The following HK1 variants were observed in gnomAD, a reference collection of about 807,000 sequenced individuals.
The protein encoded by HK1 is hexokinase-1.
Under a neutral mutation model 91.6 loss-of-function variants are expected in HK1, and 28 were observed. The observed-to-expected ratio is 0.31, with a 90% CI of 0.23 to 0.42. HK1 has a LOEUF of 0.42. HK1 is among the 10% of genes least tolerant of loss of function. The pLI is 1.00. For missense variants in HK1, 770 were observed against 1,219.8 expected (o/e 0.63, Z 5.49); for synonymous variants, 430 against 468.1 (o/e 0.92, Z 1.05).
At chr10:69,395,225 T>C (rs906254607) in intron 16 of HK1, 120 bp downstream of exon 16, 6 of 845,480 alleles carry the variant, frequency 7.1e-6, no homozygotes, top group Non-Finnish European at 1.9e-6. Flanking sequence ...GGATTTTTTT[T>C]CCTCTGGAAT....
intron 4 of HK1, 95 bp from the exon 5 acceptor site, chr10:69,368,441 C>A: frequency 9.1e-7 from 1 of 1,095,684 alleles, no homozygotes; most frequent in Non-Finnish European, 1.4e-6. Flanking sequence ...CCCCTATGGG[C>A]TTCTGCTTCA....
intron 2 of HK1, among the ~76,000 whole-genome samples, chr10:69,355,920 A>G (rs183609427): frequency 8.5e-5 from 13 of 152,328 alleles, no homozygotes; most frequent in Admixed American, 8.5e-4. Flanking sequence ...GGGACACTGG[A>G]TATCCACATG....
At chr10:69,344,832 CCT>C (rs148471505) in intron 2 of HK1, among the ~76,000 whole-genome samples, 20,302 of 152,096 alleles carry the variant, frequency 0.13, 1,476 homozygotes, top group African/African-American at 0.16. Flanking sequence ...ACAGGAATCC[CCT>C]GTTAGCTGTG....
At chr10:69,367,832 A>T (rs2132808912) in intron 4 of HK1, among the ~76,000 whole-genome samples, 1 of 152,288 alleles carries the variant, frequency 6.6e-6, no homozygotes, top group South Asian at 2.1e-4. Flanking sequence ...GTTTTTTTTT[A>T]AGAAAGCAAA....
chr10:69,286,800 G>C (rs1359996891), intron 2 of HK1, among the ~76,000 whole-genome samples: 1 of 152,108 alleles, frequency 6.6e-6, no homozygotes, highest in Middle Eastern at 3.4e-3. Flanking sequence ...CACCCACCTC[G>C]GCCTCCCAAC....
chr10:69,361,860 C>T (rs1482500293), intron 3 of HK1, among the ~76,000 whole-genome samples: 1 of 152,028 alleles, frequency 6.6e-6, no homozygotes, highest in East Asian at 1.9e-4. Flanking sequence ...TCTTGTTGCC[C>T]AGGCTGGAGT....
intron 2 of HK1, among the ~76,000 whole-genome samples, chr10:69,283,823 GAAA>G (rs1039529884): frequency 8.0e-6 from 1 of 124,356 alleles, no homozygotes; most frequent in Non-Finnish European, 1.7e-5. Flanking sequence ...AAAAAGAAAA[GAAA>G]AAAAGAAAAA....
intron 2 of HK1, among the ~76,000 whole-genome samples, chr10:69,347,772 G>C (rs1250106943): frequency 6.6e-6 from 1 of 152,138 alleles, no homozygotes; most frequent in Non-Finnish European, 1.5e-5. Context: ...TTCAGGTGTG[G>C]TCAGATTCTT....
chr10:69,314,177 G>T (rs866771788), upstream of HK1, among the ~76,000 whole-genome samples: 1 of 152,340 alleles, frequency 6.6e-6, no homozygotes, highest in Non-Finnish European at 1.5e-5. Flanking sequence ...GCTGCTAAAA[G>T]GATTATGGGT....
intron 1 of HK1, among the ~76,000 whole-genome samples, chr10:69,271,989 G>C (rs939510012): frequency 6.6e-6 from 1 of 151,892 alleles, no homozygotes; most frequent in Non-Finnish European, 1.5e-5. Flanking sequence ...TCAGCCTCCC[G>C]AGTAGCTGGG....
chr10:69,398,892 C>A, intron 17 of HK1, 64 bp downstream of exon 17: 1 of 1,317,842 alleles, frequency 7.6e-7, no homozygotes, highest in Non-Finnish European at 1.1e-6. Context: ...TAGGGGGTAT[C>A]AGGGTGTGGT....
intron 2 of HK1, among the ~76,000 whole-genome samples, chr10:69,286,451 A>G (rs1208536966): frequency 1.3e-5 from 2 of 152,170 alleles, no homozygotes; most frequent in Non-Finnish European, 2.9e-5. Flanking sequence ...GTGTGATTGC[A>G]CTACTGCACT....
intron 1 of HK1, among the ~76,000 whole-genome samples, chr10:69,343,189 G>A (rs1015980850): frequency 7.2e-5 from 11 of 152,182 alleles, no homozygotes; most frequent in Non-Finnish European, 1.2e-4. Flanking sequence ...CCCTTTGGCC[G>A]CCATTTCTGT....
At chr10:69,295,739 C>T (rs186986930) in intron 4 of HK1, 40 of 1,068,184 alleles carry the variant, frequency 3.7e-5, no homozygotes, top group Admixed American at 2.6e-4. Context: ...AAAGATAGTG[C>T]GTGGCAATCC....
intron 2 of HK1, among the ~76,000 whole-genome samples, chr10:69,285,239 C>G (rs1314191667): frequency 6.6e-6 from 1 of 151,986 alleles, no homozygotes; most frequent in Non-Finnish European, 1.5e-5. Flanking sequence ...TCGAGACCAT[C>G]CTGGCTAACA....
intron 1 of HK1, among the ~76,000 whole-genome samples, chr10:69,281,483 G>A (rs1257997829): frequency 6.6e-6 from 1 of 152,148 alleles, no homozygotes; most frequent in Non-Finnish European, 1.5e-5. Flanking sequence ...TGCCTCAGGG[G>A]CCTCCAAAGA....
chr10:69,288,936 C>T (rs1845154758), intron 3 of HK1, among the ~76,000 whole-genome samples: 1 of 152,198 alleles, frequency 6.6e-6, no homozygotes, highest in South Asian at 2.1e-4. Context: ...CAGGCATGGG[C>T]CACCACACCT....
At chr10:69,289,259 G>A (rs1845170513) in intron 3 of HK1, among the ~76,000 whole-genome samples, 3 of 152,044 alleles carry the variant, frequency 2.0e-5, no homozygotes, top group South Asian at 2.1e-4. Context: ...GGTGCAGCAG[G>A]GGCCACTTGT....
rs192868005 is a variant in HK1 at position 69,274,687 on chromosome 10, A to G, written c.-391+4579A>G. Among the ~76,000 whole-genome samples the G allele has an allele frequency of 1.3e-3, 191 of 152,140 alleles. 1 individual carries two copies. The highest frequency in any genetic ancestry group is 9.3e-4 in the Non-Finnish European group (63 of 67,990). Reference sequence around the variant, plus strand: ...AGCAGCCTTCTCTTTCTCAAATACAACAATATTATAGGGTATCTTTCTCTG... The same window carrying G: ...AGCAGCCTTCTCTTTCTCAAATACAGCAATATTATAGGGTATCTTTCTCTG... On this transcript the variant is annotated intron_variant, in intron 1 of 21. Transcript: ENST00000360289.
Sources: gnomAD v4.1 joint callset for allele counts (sites outside exome capture counted in the v4.1 genomes callset) on GRCh38, gnomAD v4.1.1 for gene constraint, MANE v1.5 for transcripts, NCBI Gene and HGNC (gene_info 2026-07-23, HGNC 2026-07-21) for gene names.